CCND3: variants seen among roughly 807,000 people sequenced by gnomAD.
CCND3 encodes cyclin D3, also known as G1/S-specific cyclin-D3.
A neutral mutation model predicts 28.7 loss-of-function variants in CCND3; 9 were observed. The observed-to-expected ratio is 0.31, with a 90% CI of 0.19 to 0.55. The LOEUF is 0.55. CCND3 is among the 20% of genes least tolerant of loss of function. The probability of loss-of-function intolerance (pLI) is 0.93; values close to 1 mark genes in which losing one functional copy is unlikely to be tolerated. For missense variants in CCND3, 315 were observed against 385.8 expected, an observed-to-expected ratio of 0.82 and a Z score of 1.54; for synonymous variants, 164 against 163.9, an observed-to-expected ratio of 1.00 and a Z score of 0.00.
chr6:41,937,113 CAG>C, intron 3 of CCND3, 120 bp downstream of exon 3: 1 of 1,075,540 alleles, frequency 9.3e-7, no homozygotes, highest in Non-Finnish European at 1.4e-6. Flanking sequence ...ACTGGGGGCT[CAG>C]AGGGGGTATA....
intron 1 of CCND3, among the ~76,000 whole-genome samples, chr6:41,952,436 C>G (rs902711759): frequency 6.6e-6 from 1 of 152,210 alleles, no homozygotes; most frequent in Non-Finnish European, 1.5e-5. Context: ...ATCAAAAGTG[C>G]GTGCTTGACA....
intron 1 of CCND3, among the ~76,000 whole-genome samples, chr6:41,974,676 T>C (rs1455776588): frequency 6.6e-6 from 1 of 152,148 alleles, no homozygotes; most frequent in African/African-American, 2.4e-5. Flanking sequence ...AGTTCCCATC[T>C]TAGTTCTTCC....
upstream of CCND3, among the ~76,000 whole-genome samples, chr6:41,944,947 AC>A (rs1319167711): frequency 6.6e-6 from 1 of 152,184 alleles, no homozygotes; most frequent in African/African-American, 2.4e-5. Flanking sequence ...TCAATGCAGG[AC>A]CAGCACAAGT....
At chr6:41,963,464 G>A (rs1358168409) in intron 1 of CCND3, among the ~76,000 whole-genome samples, 2 of 152,202 alleles carry the variant, frequency 1.3e-5, no homozygotes, top group Non-Finnish European at 2.9e-5. Context: ...CTTTATTGAA[G>A]CTGCCTGAAG....
chr6:42,046,323 G>A (rs1764542989), intron 1 of CCND3, among the ~76,000 whole-genome samples: 2 of 152,196 alleles, frequency 1.3e-5, no homozygotes, highest in Non-Finnish European at 2.9e-5. Flanking sequence ...AGGATATACA[G>A]ATGCAGCTTT....
At chr6:41,972,873 A>T (rs1384595118) in intron 1 of CCND3, among the ~76,000 whole-genome samples, 2 of 149,698 alleles carry the variant, frequency 1.3e-5, no homozygotes, top group Admixed American at 1.3e-4. Flanking sequence ...ACATATATAT[A>T]TATATATTTA....
chr6:41,948,691 T>A (rs191921138), intron 1 of CCND3, among the ~76,000 whole-genome samples: 1 of 151,454 alleles, frequency 6.6e-6, no homozygotes, highest in East Asian at 2.0e-4. Flanking sequence ...TACAAAAAAA[T>A]TAGCTGGGCA....
At chr6:41,998,882 T>C (rs1762897942) in intron 1 of CCND3, among the ~76,000 whole-genome samples, 2 of 151,722 alleles carry the variant, frequency 1.3e-5, no homozygotes, top group Admixed American at 6.6e-5. Context: ...TTTCTCCATG[T>C]TGGTCAGGCT....
At chr6:41,940,962 G>A (rs1775987330) in intron 1 of CCND3, 2 of 1,612,900 alleles carry the variant, frequency 1.2e-6, no homozygotes, top group Non-Finnish European at 8.5e-7. Context: ...CCGAGGGGAA[G>A]GGAGGAGGCT....
chr6:41,976,138 G>C (rs1340303697), intron 1 of CCND3, among the ~76,000 whole-genome samples: 1 of 152,048 alleles, frequency 6.6e-6, no homozygotes, highest in African/African-American at 2.4e-5. Context: ...GATCACCTGA[G>C]GTCAGGAGTT....
chr6:41,940,997 C>G (rs756583974), intron 1 of CCND3: 68 of 1,612,714 alleles, frequency 4.2e-5, no homozygotes, highest in Non-Finnish European at 4.9e-5. Flanking sequence ...CTGCACTTTT[C>G]ATTTCCCTGT....
chr6:41,942,708 A>T (rs1776069897), upstream of CCND3, among the ~76,000 whole-genome samples: 1 of 152,028 alleles, frequency 6.6e-6, no homozygotes, highest in Non-Finnish European at 1.5e-5. Context: ...ACTTTTGGTT[A>T]CTTTGTAGTT....
chr6:41,953,837 G>A (rs1195300423), intron 1 of CCND3, among the ~76,000 whole-genome samples: 1 of 151,916 alleles, frequency 6.6e-6, no homozygotes, highest in African/African-American at 2.4e-5. Flanking sequence ...GGCACGGGAG[G>A]AAAACAGCTT....
Position 41,936,838 on chromosome 6 carries a change from G to T in CCND3, c.575-143C>A. 4 of 765,872 alleles carry T rather than the reference G, an allele frequency of 5.2e-6. No individual in the cohort carries two copies. The highest frequency in any genetic ancestry group is 8.4e-6 in the Non-Finnish European group (4 of 475,874). The allele number at this position is 765,872 out of a possible 1,614,324, so 47.4% of individuals were successfully genotyped here. On this transcript the variant is annotated intron_variant, in intron 3 of 4. Transcript: ENST00000372991. This position sits in a 1 kb window ranked among gnomAD's most constrained non-coding sequence, Gnocchi z 4.4. Reference sequence around the variant, plus strand: ...AAAACTCCAGCAGTGGGTGGGGCAAGATATCAGCAAGGGAGGAAGACAGGA... The same window carrying T: ...AAAACTCCAGCAGTGGGTGGGGCAATATATCAGCAAGGGAGGAAGACAGGA...
chr6:42,038,656 T>C (rs1176899040), intron 1 of CCND3, among the ~76,000 whole-genome samples: 2 of 151,614 alleles, frequency 1.3e-5, no homozygotes, highest in South Asian at 2.1e-4. Flanking sequence ...TAATCAGTAA[T>C]ACTATAGAAA....
intron 1 of CCND3, among the ~76,000 whole-genome samples, chr6:42,036,249 TC>T (rs1764204331): frequency 6.7e-6 from 1 of 148,642 alleles, no homozygotes; most frequent in African/African-American, 2.5e-5. Context: ...TGCCTCGGCC[TC>T]CCAAAGTGCT....
intron 1 of CCND3, among the ~76,000 whole-genome samples, chr6:42,044,829 C>T (rs1011723475): frequency 5.0e-5 from 7 of 140,804 alleles, no homozygotes; most frequent in Non-Finnish European, 1.1e-4. Flanking sequence ...CACTCTGTTG[C>T]CCAGGCTGGA....
rs574759531 is a variant in CCND3, at chr6:42,042,923, C to T, written c.-46+5578G>A. Among the ~76,000 whole-genome samples, 38 of 152,322 alleles carry T rather than the reference C, an allele frequency of 2.5e-4. 1 individual carries two copies. The highest frequency in any genetic ancestry group is 9.6e-4 in the East Asian group (5 of 5,188). On this transcript the variant is annotated intron_variant, in intron 1 of 4. Coordinates refer to the CCND3 transcript ENST00000372988. Reference sequence around the variant, plus strand: ...GCTGAGCTAGGACTCGAAGTGGGGTCGTTTGTCTGTAGAGGCTCTCTCGAC... The same window carrying T: ...GCTGAGCTAGGACTCGAAGTGGGGTTGTTTGTCTGTAGAGGCTCTCTCGAC...
chr6:41,964,298 A>G (rs1330488777), intron 1 of CCND3, among the ~76,000 whole-genome samples: 11 of 150,136 alleles, frequency 7.3e-5, no homozygotes, highest in Non-Finnish European at 1.2e-4. Context: ...GTGTGTGAGT[A>G]TGTGTGAATG....
Sources: allele counts gnomAD v4.1 joint callset (sites outside exome capture counted in the v4.1 genomes callset), GRCh38; gene constraint gnomAD v4.1.1; non-coding constraint Gnocchi (gnomAD v3.1); transcripts MANE v1.5; gene names NCBI Gene and HGNC (gene_info 2026-07-23, HGNC 2026-07-21).